The following SEL1L2 variants were observed in gnomAD, a reference collection of about 807,000 sequenced individuals.
The protein encoded by SEL1L2 is protein sel-1 homolog 2.
In SEL1L2, 89 loss-of-function variants were observed where a neutral mutation model predicts 98.8. The ratio of observed to expected loss-of-function variants is 0.90; its 90% CI spans 0.76 to 1.07. The LOEUF (loss-of-function observed/expected upper bound fraction) is 1.07. Ranked by LOEUF, SEL1L2 falls within the 50% of genes least tolerant of loss-of-function variation. SEL1L2 has a pLI of 0.00. For synonymous variants in SEL1L2, 262 were observed against 278.5 expected, an observed-to-expected ratio of 0.94 and a Z score of 0.59; for missense variants, 788 against 812.0, an observed-to-expected ratio of 0.97 and a Z score of 0.36.
Position 13,886,448 on chromosome 20 carries a change from A to C in SEL1L2, c.746-6T>G, listed in dbSNP as rs372099663. On this transcript the variant is annotated splice_region_variant and splice_polypyrimidine_tract_variant and intron_variant, in intron 8 of 19. Coordinates refer to ENST00000284951, the MANE Select transcript of SEL1L2 (RefSeq NM_025229.2). ...TTTTTCAAATGTGTCAGCAACTGTG[A>C]ATAAAAACAAGCCAGAGAATAGCTA... 6.2e-7 allele frequency: 1 copy of C among 1,612,280 alleles called. No individual in the cohort carries two copies. The highest frequency in any genetic ancestry group is 8.5e-7 in the Non-Finnish European group (1 of 1,179,514).
intron 2 of SEL1L2, among the ~76,000 whole-genome samples, chr20:13,955,585 A>G (rs1180677782): frequency 6.6e-6 from 1 of 152,212 alleles, no homozygotes; most frequent in Non-Finnish European, 1.5e-5. Context: ...GGTTTCATTC[A>G]GTGTGAGATG....
At chr20:13,973,443 G>A (rs2051377382) in intron 1 of SEL1L2, 1 of 152,018 alleles carries the variant, frequency 6.6e-6, no homozygotes, top group South Asian at 2.1e-4. Context: ...TGTTAGGCTT[G>A]GATTTTCCGT....
At chr20:13,941,894 C>T (rs2049797391) in intron 2 of SEL1L2, among the ~76,000 whole-genome samples, 1 of 152,196 alleles carries the variant, frequency 6.6e-6, no homozygotes, top group South Asian at 2.1e-4. Context: ...CAGTCACTTA[C>T]TTTTCCTAGG....
At chr20:13,939,036 TTTTG>T (rs1261244955) in intron 2 of SEL1L2, among the ~76,000 whole-genome samples, 8 of 18,250 alleles carry the variant, frequency 4.4e-4, no homozygotes, top group Admixed American at 7.0e-4. Flanking sequence ...TGTTTGCTTG[TTTTG>T]TTTTTTTTTT....
chr20:13,862,560 T>C (rs921401227), intron 17 of SEL1L2, among the ~76,000 whole-genome samples: 18 of 152,216 alleles, frequency 1.2e-4, no homozygotes, highest in African/African-American at 4.3e-4. Context: ...TTCCTTTAGG[T>C]ACCGAAGTTC....
At chr20:13,955,450 G>A (rs2050487381) in intron 2 of SEL1L2, among the ~76,000 whole-genome samples, 1 of 151,928 alleles carries the variant, frequency 6.6e-6, no homozygotes, top group African/African-American at 2.4e-5. Context: ...GGTTTTTGAG[G>A]AACAGCATGG....
At chr20:13,943,676 A>G (rs1370689486) in intron 2 of SEL1L2, among the ~76,000 whole-genome samples, 4 of 152,208 alleles carry the variant, frequency 2.6e-5, no homozygotes, top group African/African-American at 9.6e-5. Flanking sequence ...ACAAAAAAGT[A>G]AAGAGTTCAG....
intron 6 of SEL1L2, 77 bp downstream of exon 6, chr20:13,888,382 C>T: frequency 3.1e-6 from 3 of 954,486 alleles, no homozygotes; most frequent in Non-Finnish European, 4.9e-6. Flanking sequence ...AGCCCCTTTA[C>T]TTAATGAGTA....
At chr20:13,881,564 A>C (rs574391327) in intron 10 of SEL1L2, among the ~76,000 whole-genome samples, 1 of 152,348 alleles carries the variant, frequency 6.6e-6, no homozygotes, top group Middle Eastern at 3.4e-3. Context: ...ATTAAAATCT[A>C]TGTGTAGAAA....
intron 1 of SEL1L2, among the ~76,000 whole-genome samples, chr20:13,964,446 C>CTTTTTTTTTTTTTTTTTTTTTTTTT (rs568049752): frequency 1.9e-5 from 2 of 105,362 alleles, no homozygotes; most frequent in African/African-American, 3.4e-5. Flanking sequence ...GCTATCTCTT[C>CTTTTTTTTTTTTTTTTTTTTTTTTT]ATTTTTTTTT....
At chr20:13,934,362 TATATATATTCC>T in intron 2 of SEL1L2, among the ~76,000 whole-genome samples, 1 of 116,972 alleles carries the variant, frequency 8.5e-6, no homozygotes, top group Non-Finnish European at 1.7e-5. Flanking sequence ...ATATTCCATA[TATATATATTCC>T]ATATATATAT....
intron 18 of SEL1L2, among the ~76,000 whole-genome samples, chr20:13,854,001 G>A (rs1303081738): frequency 6.6e-6 from 1 of 152,130 alleles, no homozygotes; most frequent in Admixed American, 6.5e-5. Flanking sequence ...TAAGAAATGT[G>A]TTTTCTGTCC....
At chr20:13,979,249 T>C (rs1158310442) in intron 1 of SEL1L2, among the ~76,000 whole-genome samples, 3 of 151,886 alleles carry the variant, frequency 2.0e-5, no homozygotes, top group African/African-American at 7.3e-5. Flanking sequence ...TATTAGATAA[T>C]AGGAAGGATG....
chr20:13,849,513 A>T lies in SEL1L2; in HGVS notation c.2039T>A (p.Ile680Asn). The T allele has an allele frequency of 6.2e-7, 1 of 1,614,118 alleles. No individual in the cohort carries two copies. Among genetic ancestry groups the T allele is most frequent in the Middle Eastern group, 1.7e-4 (1 of 6,060 alleles). ...FVIGLIVPGL[I>N]LLLRNHHG is the part of the protein sequence containing the mutation. The stretch of plus-strand genomic sequence containing the variant: ...CCCATGGTGATTTCTAAGCAACAAA[A>T]TCAGCCCAGGAACAATGAGGCCAAT... Residue 680 changes from isoleucine to asparagine, a missense_variant, in exon 20 of 20, where the codon ATT becomes AAT. Transcript: ENST00000284951.
At chr20:13,872,712 G>A (rs905417041) in intron 12 of SEL1L2, among the ~76,000 whole-genome samples, 1 of 152,034 alleles carries the variant, frequency 6.6e-6, no homozygotes, top group South Asian at 2.1e-4. Flanking sequence ...GAGTCCCTGG[G>A]ATCCCAGGGA....
chr20:13,918,954 T>C, intron 4 of SEL1L2, 67 bp downstream of exon 4: 1 of 1,043,522 alleles, frequency 9.6e-7, no homozygotes. Flanking sequence ...ATAAACTACA[T>C]TTGGGATTTT....
At chr20:13,914,920 T>C (rs1286898328) in intron 4 of SEL1L2, among the ~76,000 whole-genome samples, 1 of 152,136 alleles carries the variant, frequency 6.6e-6, no homozygotes, top group Non-Finnish European at 1.5e-5. Flanking sequence ...GTATAAGAAG[T>C]GATGGAGAGT....
In SEL1L2 at chr20:13,887,851, C is replaced by T; in HGVS notation, c.664-1G>A. The T allele has an allele frequency of 6.2e-7, 1 of 1,612,544 alleles. No homozygotes were observed. The highest frequency in any genetic ancestry group is 8.5e-7 in the Non-Finnish European group (1 of 1,178,820). On this transcript the variant is annotated splice_acceptor_variant, in intron 7 of 19. Transcript: ENST00000284951. LOFTEE classifies it high-confidence loss of function. ...TGATTCCCGACAAATATCTGTACCCCTAAAACACAGACAGATGCATTCTTA... is the reference window on the plus strand; with the variant it reads ...TGATTCCCGACAAATATCTGTACCCTTAAAACACAGACAGATGCATTCTTA...
intron 1 of SEL1L2, among the ~76,000 whole-genome samples, chr20:13,978,549 A>T (rs1601016175): frequency 1.3e-5 from 2 of 152,214 alleles, no homozygotes; most frequent in East Asian, 3.9e-4. Flanking sequence ...ATGATCCATC[A>T]ATCCTACTAC....
Sources: allele counts gnomAD v4.1 joint callset (sites outside exome capture counted in the v4.1 genomes callset), GRCh38; gene constraint gnomAD v4.1.1; transcripts MANE v1.5; gene names NCBI Gene and HGNC (gene_info 2026-07-23, HGNC 2026-07-21).